TBL3: variants seen among roughly 807,000 people sequenced by gnomAD.
TBL3 encodes transducin beta like 3.
A neutral mutation model predicts 102.7 loss-of-function variants in TBL3; 71 were observed. That is an observed-to-expected ratio of 0.69 (90% CI 0.57 to 0.84). The LOEUF (loss-of-function observed/expected upper bound fraction) is 0.84. TBL3 is among the 40% of genes least tolerant of loss of function. The pLI is 0.00. For synonymous variants in TBL3, 578 were observed against 477.7 expected (o/e 1.21, Z -2.74); for missense variants, 1,188 against 1,098.5 (o/e 1.08, Z -1.15).
Position 1,977,736 on chromosome 16 carries a change from C to T in TBL3, c.1900-6C>T. Reference sequence around the variant, plus strand: ...GAGGCCCCATCTGACCCTAGTCTAACCCCAGGATGTGACCGAGGCGGAGCA... The same window carrying T: ...GAGGCCCCATCTGACCCTAGTCTAATCCCAGGATGTGACCGAGGCGGAGCA... On this transcript the variant is annotated splice_polypyrimidine_tract_variant and splice_region_variant and intron_variant, in intron 17 of 21. Coordinates refer to ENST00000568546, the MANE Select transcript of TBL3 (RefSeq NM_006453.3). 4 of 1,553,250 alleles carry T rather than the reference C, an allele frequency of 2.6e-6. No individual in the cohort carries two copies. Among genetic ancestry groups the T allele is most frequent in the Non-Finnish European group, 2.6e-6 (3 of 1,147,824 alleles).
Position 1,977,759 on chromosome 16 carries a change from G to C in TBL3, c.1917G>C (p.Glu639Asp). Residue 639 changes from glutamate (E) to aspartate (D), a missense_variant, in exon 18 of 22, where the codon GAG becomes GAC. By Grantham distance (45) the Glu-to-Asp change is conservative. Coordinates refer to ENST00000568546, the MANE Select transcript of TBL3 (RefSeq NM_006453.3). ...VILWKDVTEAEQAEEQARQEE... is the reference protein window; with the variant it reads ...VILWKDVTEADQAEEQARQEE... ...AACCCCAGGATGTGACCGAGGCGGA[G>C]CAGGCAGAGGAGCAGGCCAGGCAAG... 6.4e-7 allele frequency: 1 copy of C among 1,555,222 alleles called. No homozygotes were observed. The highest frequency in any genetic ancestry group is 8.7e-7 in the Non-Finnish European group (1 of 1,148,804).
intron 1 of TBL3, among the ~76,000 whole-genome samples, 160 bp from the exon 2 acceptor site, chr16:1,973,896 C>T (rs1427969874): frequency 6.6e-6 from 1 of 152,238 alleles, no homozygotes; most frequent in Non-Finnish European, 1.5e-5. Flanking sequence ...CAGCCCCCTG[C>T]AGTACTGCTG....
In TBL3 at chr16:1,978,456, C is replaced by G; in HGVS notation, c.2278C>G (p.Leu760Val). ...AGGCGTGCGGGCAGCGCTTGAGGCC[C>G]TGCTGCCCTACACTGGTATGTGGGC... ...YEGVRAALEA[L>V]LPYTERHFQR... The change falls in exon 21 of 22, where the codon CTG becomes GTG. Residue 760 changes from leucine (L) to valine (V), a missense_variant. Physicochemically the swap from Leu to Val is conservative, Grantham distance 32. Coordinates refer to ENST00000568546, the MANE Select transcript of TBL3 (RefSeq NM_006453.3). 1 of 1,606,822 alleles carries G rather than the reference C, an allele frequency of 6.2e-7. No homozygotes were observed. Among genetic ancestry groups the G allele is most frequent in the Non-Finnish European group, 8.5e-7 (1 of 1,177,036 alleles).
rs2083516929 is a variant in TBL3 at position 1,982,011 on chromosome 16, C to G, written c.*3326C>G. The stretch of plus-strand genomic sequence containing the variant: ...TTGCCATGACTTACTGCAAACATGG[C>G]CTGGGCAGAGGCTCGCCCAGGTGCC... On this transcript the variant is annotated 3_prime_UTR_variant, in exon 22 of 22. Transcript: ENST00000568546. The G allele has an allele frequency of 2.0e-5, 3 of 152,096 alleles. No individual in the cohort carries two copies. In the South Asian group the frequency reaches 6.2e-4, roughly 32 times the overall value. 9.4% of individuals were successfully genotyped at this position (152,096 alleles called of 1,614,324 possible). A position where few individuals can be genotyped will look rare whatever the true frequency, so the allele number is the denominator to read the frequency against.
rs2083411726 is a variant in TBL3, at chr16:1,977,391, G to A, written c.1707G>A (p.Val569=). Residue 569 remains valine (V), a synonymous_variant, in exon 16 of 22, where the codon GTG becomes GTA. Transcript: ENST00000568546. ...GGCACGATGCTTCTGTGCTGAAGGTGGCCTTTGTGAGCCGTGGCACGCAGC... is the reference window on the plus strand; with the variant it reads ...GGCACGATGCTTCTGTGCTGAAGGTAGCCTTTGTGAGCCGTGGCACGCAGC... The part of the protein sequence containing the change: ...FEGHDASVLK[V]AFVSRGTQLL... The A allele has an allele frequency of 6.2e-7, 1 of 1,613,194 alleles. No homozygotes were observed. Among genetic ancestry groups the A allele is most frequent in the Admixed American group, 1.7e-5 (1 of 59,988 alleles).
Position 1,981,512 on chromosome 16 carries a change from T to A in TBL3, c.*2827T>A. 1 of 379,110 alleles carries A rather than the reference T, an allele frequency of 2.6e-6. No homozygotes were observed. Among genetic ancestry groups the A allele is most frequent in the Non-Finnish European group, 4.8e-6 (1 of 208,612 alleles). 23.5% of individuals were successfully genotyped at this position (379,110 alleles called of 1,614,324 possible). ...TAGGCGGGACTGCTGCCTGGGGCCC[T>A]CCTGCCTGCCTCTGGCCACAGGAGG... On this transcript the variant is annotated 3_prime_UTR_variant, in exon 22 of 22. Transcript: ENST00000568546.
Position 1,974,867 on chromosome 16 carries a change from G to A in TBL3, c.464+20G>A, listed in dbSNP as rs200515381. Reference sequence around the variant, plus strand: ...CGTGCAGTGAGTTGGAAGGTGGAGGGGGAGGGCAGAGGCACCACCCAGGCT... The same window carrying A: ...CGTGCAGTGAGTTGGAAGGTGGAGGAGGAGGGCAGAGGCACCACCCAGGCT... On this transcript the variant is annotated intron_variant, in intron 6 of 21. Coordinates refer to ENST00000568546, the MANE Select transcript of TBL3 (RefSeq NM_006453.3). 124 of 1,612,984 alleles carry A rather than the reference G, an allele frequency of 7.7e-5. No homozygotes were observed. Among genetic ancestry groups the A allele is most frequent in the Non-Finnish European group, 9.5e-5 (112 of 1,179,970 alleles).
rs749858979 is a variant in TBL3 at position 1,977,066 on chromosome 16, G to A, written c.1453G>A (p.Val485Met). 17 of 1,613,168 alleles carry A rather than the reference G, an allele frequency of 1.1e-5. No homozygotes were observed. The East Asian group carries it at 1.3e-4, about 13-fold the overall frequency. Residue 485 changes from valine to methionine, a missense_variant, in exon 15 of 22, where the codon GTG becomes ATG. Transcript: ENST00000568546. ...CTCCCATTGCCAGGACATCAACAGC[G>A]TGGCTATTGCCCCCAACGACAAGCT... Reference protein sequence around the residue: ...QRCHDKDINSVAIAPNDKLLA... With the variant: ...QRCHDKDINSMAIAPNDKLLA...
chr16:1,974,922 C>T lies in TBL3; in HGVS notation c.465-6C>T. 1 of 1,611,974 alleles carries T rather than the reference C, an allele frequency of 6.2e-7. No individual in the cohort carries two copies. The highest frequency in any genetic ancestry group is 8.5e-7 in the Non-Finnish European group (1 of 1,179,820). On this transcript the variant is annotated splice_polypyrimidine_tract_variant and splice_region_variant and intron_variant, in intron 6 of 21. Coordinates refer to ENST00000568546, the MANE Select transcript of TBL3 (RefSeq NM_006453.3). The stretch of plus-strand genomic sequence containing the variant: ...AGCTCACCCATCCTGTCCCGTCCGC[C>T]CACAGCCTAGTGGCCTTCCACCCGG...
rs1228842202 is a variant in TBL3 at position 1,980,618 on chromosome 16, C to T, written c.*1933C>T. On this transcript the variant is annotated 3_prime_UTR_variant, in exon 22 of 22. Transcript: ENST00000568546. ...TGGTCCCTGGCGCCCCCAGGCAAGC[C>T]ACCGCCTTCCCCGCTCCCGTACCCA... 7 of 1,592,896 alleles carry T rather than the reference C, an allele frequency of 4.4e-6. No homozygotes were observed. The highest frequency in any genetic ancestry group is 6.0e-6 in the Non-Finnish European group (7 of 1,168,662).
chr16:1,979,467 ACGCGCGCCCC>A lies in TBL3; in HGVS notation c.*787_*796del. 1 of 1,611,552 alleles carries A rather than the reference ACGCGCGCCCC, an allele frequency of 6.2e-7. No individual in the cohort carries two copies. Among genetic ancestry groups the A allele is most frequent in the South Asian group, 1.1e-5 (1 of 90,924 alleles). On this transcript the variant is annotated 3_prime_UTR_variant, in exon 22 of 22. Coordinates refer to ENST00000568546, the MANE Select transcript of TBL3 (RefSeq NM_006453.3). ...GCGGTCTGACGTTTCCAACACGCGC[ACGCGCGCCCC>A]CGCGGGCACGGACAGCTCATCTGCG...
rs772169870 is a variant in TBL3, at chr16:1,979,540, G to A, written c.*855G>A. ...TAGGCGCGGGAAGCACAGAACTGGG[G>A]ACCTGGTGGGAGTGGGTGTTTGGAG... On this transcript the variant is annotated 3_prime_UTR_variant, in exon 22 of 22. Transcript: ENST00000568546. 1 of 1,608,594 alleles carries A rather than the reference G, an allele frequency of 6.2e-7. No individual in the cohort carries two copies. The highest frequency in any genetic ancestry group is 8.5e-7 in the Non-Finnish European group (1 of 1,177,272).
chr16:1,981,480 C>T lies in TBL3; in HGVS notation c.*2795C>T, dbSNP rs769236018. On this transcript the variant is annotated 3_prime_UTR_variant, in exon 22 of 22. Transcript: ENST00000568546. Reference sequence around the variant, plus strand: ...GAGGCGTGCAAGACTGAAGAAGGGGCGAAGGGTAGGCGGGACTGCTGCCTG... The same window carrying T: ...GAGGCGTGCAAGACTGAAGAAGGGGTGAAGGGTAGGCGGGACTGCTGCCTG... 11 of 530,038 alleles carry T rather than the reference C, an allele frequency of 2.1e-5. No homozygotes were observed. The highest frequency in any genetic ancestry group is 3.8e-5 in the African/African-American group (2 of 52,492). 32.8% of individuals were successfully genotyped at this position (530,038 alleles called of 1,614,324 possible). A position where few individuals can be genotyped will look rare whatever the true frequency, so the allele number is the denominator to read the frequency against.
chr16:1,980,711 G>C lies in TBL3; in HGVS notation c.*2026G>C, dbSNP rs893499880. 2 of 1,605,340 alleles carry C rather than the reference G, an allele frequency of 1.2e-6. No homozygotes were observed. The highest frequency in any genetic ancestry group is 1.7e-6 in the Non-Finnish European group (2 of 1,176,308). ...TCCGCAGCAGGCCCGCCTCCACCGG[G>C]AAGGTCTCCTTGAGGGTCTTCTGAG... On this transcript the variant is annotated 3_prime_UTR_variant, in exon 22 of 22. Coordinates refer to ENST00000568546, the MANE Select transcript of TBL3 (RefSeq NM_006453.3).
Position 1,977,356 on chromosome 16 carries a change from A to C in TBL3, c.1672A>C (p.Thr558Pro). The C allele has an allele frequency of 6.2e-7, 1 of 1,613,128 alleles. No individual in the cohort carries two copies. The highest frequency in any genetic ancestry group is 1.1e-5 in the South Asian group (1 of 91,076). The change falls in exon 16 of 22, where the codon ACA becomes CCA. Residue 558 changes from threonine to proline, a missense_variant and splice_region_variant. Coordinates refer to ENST00000568546, the MANE Select transcript of TBL3 (RefSeq NM_006453.3). ...TCATGCCCTACCCCCCACCTTGCAGACATTTGAGGGGCACGATGCTTCTGT... is the reference window on the plus strand; with the variant it reads ...TCATGCCCTACCCCCCACCTTGCAGCCATTTGAGGGGCACGATGCTTCTGT... The part of the protein sequence containing the change: ...WALQDFSCLK[T>P]FEGHDASVLK...
chr16:1,982,851 C>G lies in TBL3; in HGVS notation c.*4166C>G, dbSNP rs912618015. On this transcript the variant is annotated 3_prime_UTR_variant, in exon 22 of 22. Coordinates refer to ENST00000568546, the MANE Select transcript of TBL3 (RefSeq NM_006453.3). ...GGGAGATCACTTGAGCCTAAGCAGT[C>G]GCGGCTGCAGTGAACAAGATCGCGC... The G allele has an allele frequency of 6.6e-6, 1 of 151,736 alleles. No homozygotes were observed. 9.4% of individuals were successfully genotyped at this position (151,736 alleles called of 1,614,324 possible). A position where few individuals can be genotyped will look rare whatever the true frequency, so the allele number is the denominator to read the frequency against.
rs749222394 is a variant in TBL3, at chr16:1,979,315, G to A, written c.*630G>A. ...GCGCCCAGCCCTTCCGGCCGCAGCA[G>A]CACCGCGGGGAGTAGGCCCGCCCGG... is the stretch of plus-strand genomic sequence containing the variant. On this transcript the variant is annotated 3_prime_UTR_variant, in exon 22 of 22. Transcript: ENST00000568546. The A allele has an allele frequency of 2.9e-5, 45 of 1,572,616 alleles. No homozygotes were observed. Among genetic ancestry groups the A allele is most frequent in the Non-Finnish European group, 3.9e-5 (45 of 1,166,872 alleles).
At position 1,979,620 on chromosome 16, in the gene TBL3, T is replaced by C; in HGVS notation, c.*935T>C. On this transcript the variant is annotated 3_prime_UTR_variant, in exon 22 of 22. Transcript: ENST00000568546. The stretch of plus-strand genomic sequence containing the variant: ...GCCCGCACCCTTCTCCACATTCTCC[T>C]TGCTTGAGTCTGCTGACGGCGGGGC... 1.4e-6 allele frequency: 2 copies of C among 1,385,234 alleles called. No homozygotes were observed. Among genetic ancestry groups the C allele is most frequent in the Admixed American group, 1.9e-5 (1 of 53,720 alleles). 85.8% of individuals were successfully genotyped at this position (1,385,234 alleles called of 1,614,324 possible). A position where few individuals can be genotyped will look rare whatever the true frequency, so the allele number is the denominator to read the frequency against.
In TBL3 at chr16:1,978,335, C is replaced by A; in HGVS notation, c.2157C>A (p.Val719=). 1 of 1,610,302 alleles carries A rather than the reference C, an allele frequency of 6.2e-7. No individual in the cohort carries two copies. The highest frequency in any genetic ancestry group is 8.5e-7 in the Non-Finnish European group (1 of 1,178,352). ...DQKEALLRFC[V]TWNTNSRHCH... ...CAGAGGCCCTGCTGCGCTTCTGCGTCACGTGGAACACCAACTCGCGGCACT... is the reference window on the plus strand; with the variant it reads ...CAGAGGCCCTGCTGCGCTTCTGCGTAACGTGGAACACCAACTCGCGGCACT... The change falls in exon 21 of 22, where the codon GTC becomes GTA. Residue 719 remains valine (V), a synonymous_variant. Coordinates refer to ENST00000568546, the MANE Select transcript of TBL3 (RefSeq NM_006453.3).
Sources: allele counts gnomAD v4.1 joint callset (sites outside exome capture counted in the v4.1 genomes callset), GRCh38; gene constraint gnomAD v4.1.1; transcripts MANE v1.5; gene names NCBI Gene and HGNC (gene_info 2026-07-23, HGNC 2026-07-21).